Variants in GRB10 observed in about 807,000 individuals in gnomAD.
The protein encoded by GRB10 is growth factor receptor-bound protein 10.
In GRB10, 20 loss-of-function variants were observed where a neutral mutation model predicts 80.9. The observed-to-expected ratio is 0.25, with a 90% CI of 0.17 to 0.36. The LOEUF is 0.36. Ranked by LOEUF, GRB10 falls within the 10% of genes least tolerant of loss-of-function variation. The pLI is 1.00. For synonymous variants in GRB10, 291 were observed against 291.5 expected, an observed-to-expected ratio of 1.00 and a Z score of 0.02; for missense variants, 548 against 747.7, an observed-to-expected ratio of 0.73 and a Z score of 3.12.
chr7:50,783,085 C>T (rs1000343196), upstream of GRB10, among the ~76,000 whole-genome samples: 34 of 152,348 alleles, frequency 2.2e-4, no homozygotes, highest in African/African-American at 7.7e-4. Context: ...CTGACGATGC[C>T]GAAAGCCCTC....
At chr7:50,712,743 T>C (rs1229886684) in intron 4 of GRB10, among the ~76,000 whole-genome samples, 1 of 152,216 alleles carries the variant, frequency 6.6e-6, no homozygotes, top group African/African-American at 2.4e-5. Context: ...CCACCCACTC[T>C]GCAGTGTTCA....
At chr7:50,676,151 G>C (rs1312780509) in intron 5 of GRB10, among the ~76,000 whole-genome samples, 1 of 152,122 alleles carries the variant, frequency 6.6e-6, no homozygotes, top group Non-Finnish European at 1.5e-5. Context: ...CAGGGTCACA[G>C]ACAGCAAGAC....
chr7:50,709,778 T>C (rs1181162377), intron 4 of GRB10, among the ~76,000 whole-genome samples: 1 of 152,084 alleles, frequency 6.6e-6, no homozygotes, highest in Non-Finnish European at 1.5e-5. Context: ...CCAGGTGGCC[T>C]GGTGTGGCTG....
At chr7:50,736,356 T>G (rs549057638) in intron 3 of GRB10, among the ~76,000 whole-genome samples, 59 of 152,120 alleles carry the variant, frequency 3.9e-4, no homozygotes, top group Non-Finnish European at 7.6e-4. Flanking sequence ...ATCAAAACAG[T>G]CTGGTACTAA....
At chr7:50,646,343 G>T (rs918535266) in intron 7 of GRB10, among the ~76,000 whole-genome samples, 11 of 152,140 alleles carry the variant, frequency 7.2e-5, no homozygotes, top group African/African-American at 2.7e-4. Flanking sequence ...CTATGAAGCT[G>T]CAGGGGAAAT....
In GRB10 at chr7:50,674,549, G is replaced by A. The variant is rs774680795; in HGVS notation, c.249C>T (p.Gly83=). The A allele has an allele frequency of 1.2e-5, 20 of 1,612,008 alleles. No individual in the cohort carries two copies. The highest frequency in any genetic ancestry group is 1.7e-5 in the Non-Finnish European group (20 of 1,180,022). Residue 83 remains glycine (G), a synonymous_variant, in exon 6 of 19, where the codon GGC becomes GGT. Coordinates refer to ENST00000401949, the MANE Select transcript of GRB10 (RefSeq NM_001350814.2). ...QSDTVPLLQN[G]QHARSQPRAS... The stretch of plus-strand genomic sequence containing the variant: ...CCCGAGGCTGGCTGCGGGCATGCTG[G>A]CCATTCTGCAGGAGGGGCACCGTGT...
At chr7:50,734,769 G>GTA in intron 3 of GRB10, among the ~76,000 whole-genome samples, 1 of 152,294 alleles carries the variant, frequency 6.6e-6, no homozygotes, top group Non-Finnish European at 1.5e-5. Context: ...CTTGGGACAA[G>GTA]TAAACTATAG....
At chr7:50,638,784 T>G (rs148751518) in intron 7 of GRB10, among the ~76,000 whole-genome samples, 25 of 152,180 alleles carry the variant, frequency 1.6e-4, no homozygotes, top group Admixed American at 2.6e-4. Flanking sequence ...TAAAAAGACA[T>G]GCATCTGTAT....
Position 50,656,993 on chromosome 7 carries a change from T to C in GRB10, c.504+12729A>G, listed in dbSNP as rs74377002. Among the ~76,000 whole-genome samples the C allele has an allele frequency of 1.4e-3, 212 of 152,308 alleles. 4 individuals carry two copies. The East Asian group carries it at 0.034, about 24-fold the overall frequency. On this transcript the variant is annotated intron_variant, in intron 7 of 18. Transcript: ENST00000401949. ...GAAGCATCATTTATAGCACAGACAC[T>C]GGACGACAATGCAAATTATCTGGTC...
At chr7:50,740,050 C>T (rs1471010169) in intron 3 of GRB10, among the ~76,000 whole-genome samples, 1 of 152,188 alleles carries the variant, frequency 6.6e-6, no homozygotes, top group African/African-American at 2.4e-5. Flanking sequence ...CACATGAATC[C>T]TTTCTTTTGT....
At chr7:50,702,176 ACT>A (rs1355949394) in intron 5 of GRB10, among the ~76,000 whole-genome samples, 2 of 151,970 alleles carry the variant, frequency 1.3e-5, no homozygotes, top group Admixed American at 6.6e-5. Context: ...GGCTGCATCC[ACT>A]CTGTCTGGCT....
intron 7 of GRB10, among the ~76,000 whole-genome samples, chr7:50,638,323 G>T (rs2055462849): frequency 6.6e-6 from 1 of 151,988 alleles, no homozygotes; most frequent in South Asian, 2.1e-4. Flanking sequence ...CTAGAGAATG[G>T]GAGAAAATAT....
intron 11 of GRB10, among the ~76,000 whole-genome samples, chr7:50,615,144 C>A (rs2050349501): frequency 6.6e-6 from 1 of 152,156 alleles, no homozygotes; most frequent in Admixed American, 6.5e-5. Flanking sequence ...AAATCAAAGC[C>A]CCATGACCGG....
chr7:50,728,221 G>GGT (rs1309283579), intron 4 of GRB10, among the ~76,000 whole-genome samples: 3 of 151,086 alleles, frequency 2.0e-5, no homozygotes, highest in African/African-American at 7.3e-5. Flanking sequence ...GTATGGGGGG[G>GGT]GGGTGTAGTA....
At chr7:50,770,761 ATTT>A (rs11388561) in intron 2 of GRB10, among the ~76,000 whole-genome samples, 4 of 151,688 alleles carry the variant, frequency 2.6e-5, no homozygotes, top group Admixed American at 1.3e-4. Context: ...CACTCTTCCC[ATTT>A]TTTTTGTTTT....
chr7:50,744,991 A>G (rs1233192153), intron 3 of GRB10, among the ~76,000 whole-genome samples: 1 of 152,062 alleles, frequency 6.6e-6, no homozygotes, highest in Non-Finnish European at 1.5e-5. Context: ...TAACTTTTTT[A>G]TGATTTGTAT....
At chr7:50,684,267 C>CAA (rs386410128) in intron 5 of GRB10, among the ~76,000 whole-genome samples, 2,242 of 60,992 alleles carry the variant, frequency 0.037, 90 homozygotes, top group Middle Eastern at 0.062. Context: ...CAATCATCAC[C>CAA]AAAAAAAAAA....
Position 50,734,091 on chromosome 7 carries a change from T to TAC in GRB10, c.-46-1725_-46-1724dup, listed in dbSNP as rs559361036. Among the ~76,000 whole-genome samples, 289 of 152,250 alleles carry TAC rather than the reference T, an allele frequency of 1.9e-3. 1 individual carries two copies. The highest frequency in any genetic ancestry group is 6.7e-3 in the African/African-American group (280 of 41,536). On this transcript the variant is annotated intron_variant, in intron 3 of 18. Transcript: ENST00000401949. ...TTAAACATATATTTATTTATTTTCA[T>TAC]ACACATATCGGTTTGGGTTCACTGG...
Position 50,681,393 on chromosome 7 carries a change from T to A in GRB10, c.140-6735A>T, listed in dbSNP as rs1375341569. Among the ~76,000 whole-genome samples, 3 of 152,218 alleles carry A rather than the reference T, an allele frequency of 2.0e-5. 1 individual carries two copies. Among genetic ancestry groups the A allele is most frequent in the African/African-American group, 7.2e-5 (3 of 41,452 alleles). On this transcript the variant is annotated intron_variant, in intron 5 of 18. Transcript: ENST00000401949. ...CTCCAGTCTTCCGGCCTCCTCTTAG[T>A]CCCAACTCGAGGGGCGATGGTGTTT...
Sources: gnomAD v4.1 joint callset for allele counts (sites outside exome capture counted in the v4.1 genomes callset) on GRCh38, gnomAD v4.1.1 for gene constraint, MANE v1.5 for transcripts, NCBI Gene and HGNC (gene_info 2026-07-23, HGNC 2026-07-21) for gene names.